The following TLE1 variants were observed in gnomAD, a reference collection of about 807,000 sequenced individuals.
TLE1 encodes TLE family member 1, transcriptional corepressor.
TLE1 carries 21 observed loss-of-function variants against 89.8 expected under a neutral mutation model. The observed-to-expected ratio is 0.23, with a 90% confidence interval of 0.17 to 0.34. TLE1 has a LOEUF of 0.34. Ranked by LOEUF, TLE1 falls within the 10% of genes least tolerant of loss-of-function variation. TLE1 has a pLI of 1.00. For missense variants in TLE1, 795 were observed against 1,031.2 expected (o/e 0.77, Z 3.14); for synonymous variants, 447 against 407.6 (o/e 1.10, Z -1.16).
intron 14 of TLE1, among the ~76,000 whole-genome samples, chr9:81,597,000 A>T (rs1200272052): frequency 6.6e-6 from 1 of 152,204 alleles, no homozygotes; most frequent in East Asian, 1.9e-4. Flanking sequence ...AACACATTAG[A>T]TTAGGTCCAC....
chr9:81,603,894 C>T (rs550576301), intron 14 of TLE1, among the ~76,000 whole-genome samples: 1 of 152,152 alleles, frequency 6.6e-6, no homozygotes, highest in African/African-American at 2.4e-5. Context: ...CCCAGCGACT[C>T]GGGAGGCTGA....
chr9:81,675,759 G>A (rs186833604), intron 4 of TLE1, among the ~76,000 whole-genome samples: 1 of 142,098 alleles, frequency 7.0e-6, no homozygotes, highest in Admixed American at 7.2e-5. Context: ...GGAGTGCAGT[G>A]GCATGATCTC....
chr9:81,641,940 T>G (rs1194122145), intron 6 of TLE1, among the ~76,000 whole-genome samples: 1 of 152,130 alleles, frequency 6.6e-6, no homozygotes, highest in Non-Finnish European at 1.5e-5. Context: ...GAGAATTGCT[T>G]GAACCTGGGA....
intron 4 of TLE1, among the ~76,000 whole-genome samples, chr9:81,676,787 T>C (rs1832953903): frequency 1.3e-5 from 2 of 152,132 alleles, no homozygotes; most frequent in African/African-American, 2.4e-5. Context: ...GTTCCCAGGG[T>C]GCGGCCAGGT....
intron 14 of TLE1, chr9:81,599,894 T>C (rs574777959): frequency 1.1e-4 from 55 of 515,444 alleles, no homozygotes; most frequent in African/African-American, 8.3e-4. Context: ...GCATACACTC[T>C]ATTTTCATTT....
intron 9 of TLE1, among the ~76,000 whole-genome samples, chr9:81,617,685 T>TA (rs1247212899): frequency 4.6e-5 from 7 of 151,694 alleles, no homozygotes; most frequent in Admixed American, 4.6e-4. Context: ...CTAGCCGACA[T>TA]AGCAAGACTC....
chr9:81,615,955 A>G, intron 11 of TLE1, 27 bp downstream of exon 11: 3 of 1,612,030 alleles, frequency 1.9e-6, no homozygotes, highest in Non-Finnish European at 2.5e-6. Flanking sequence ...ACTGCCAAAC[A>G]GGCAAGTGTC....
chr9:81,612,839 C>A (rs1587962858), intron 12 of TLE1, among the ~76,000 whole-genome samples: 1 of 152,212 alleles, frequency 6.6e-6, no homozygotes, highest in East Asian at 1.9e-4. Flanking sequence ...GGGCAGATCA[C>A]CTGAGGTCAG....
intron 8 of TLE1, among the ~76,000 whole-genome samples, chr9:81,629,007 C>T (rs1826244239): frequency 6.6e-6 from 1 of 152,156 alleles, no homozygotes; most frequent in Non-Finnish European, 1.5e-5. Flanking sequence ...GAGTCTCCTC[C>T]CTTTTCCAAA....
At chr9:81,658,071 C>T (rs1341160799) in intron 4 of TLE1, among the ~76,000 whole-genome samples, 4 of 151,336 alleles carry the variant, frequency 2.6e-5, no homozygotes, top group Non-Finnish European at 5.9e-5. Flanking sequence ...CCACCATGCC[C>T]GGCTAATTTT....
At chr9:81,601,267 T>G (rs1218750258) in intron 14 of TLE1, among the ~76,000 whole-genome samples, 1 of 152,236 alleles carries the variant, frequency 6.6e-6, no homozygotes, top group African/African-American at 2.4e-5. Flanking sequence ...TTTTCTTGGC[T>G]AAAAGCCTGG....
At chr9:81,667,538 C>T (rs1831636633) in intron 4 of TLE1, among the ~76,000 whole-genome samples, 1 of 152,138 alleles carries the variant, frequency 6.6e-6, no homozygotes, top group Non-Finnish European at 1.5e-5. Flanking sequence ...TGAGTAACAG[C>T]TGCCACTCTC....
chr9:81,613,664 AT>A, intron 11 of TLE1, 143 bp from the exon 12 acceptor site: 1 of 946,682 alleles, frequency 1.1e-6, no homozygotes, highest in African/African-American at 1.6e-5. Flanking sequence ...TGTTGACAGC[AT>A]TAACTTGTGA....
At chr9:81,677,168 G>A (rs888675601) in intron 4 of TLE1, among the ~76,000 whole-genome samples, 5 of 152,076 alleles carry the variant, frequency 3.3e-5, no homozygotes, top group South Asian at 2.1e-4. Flanking sequence ...AACCCCAGAG[G>A]CAGAGGTTGC....
At chr9:81,642,709 A>AAAGAAAG (rs1554686035) in intron 6 of TLE1, among the ~76,000 whole-genome samples, 1 of 150,366 alleles carries the variant, frequency 6.7e-6, no homozygotes, top group African/African-American at 2.5e-5. Context: ...ATGAAAGAAA[A>AAAGAAAG]GAAAGAAAGG....
Position 81,660,476 on chromosome 9 carries a change from C to T in TLE1, c.235-6440G>A, listed in dbSNP as rs552229263. On this transcript the variant is annotated intron_variant, in intron 4 of 19. Coordinates refer to ENST00000376499, the MANE Select transcript of TLE1 (RefSeq NM_005077.5). Reference sequence around the variant, plus strand: ...TCGCCCAAGCTGGAGAGCAGTGGCGCGATCTCGGCTCACTGCAAGCTATGC... The same window carrying T: ...TCGCCCAAGCTGGAGAGCAGTGGCGTGATCTCGGCTCACTGCAAGCTATGC... Among the ~76,000 whole-genome samples, 211 of 151,942 alleles carry T rather than the reference C, an allele frequency of 1.4e-3. 2 individuals carry two copies. Among genetic ancestry groups the T allele is most frequent in the African/African-American group, 4.8e-3 (201 of 41,456 alleles).
chr9:81,674,198 G>GT (rs1832603558), intron 4 of TLE1, among the ~76,000 whole-genome samples: 1 of 152,172 alleles, frequency 6.6e-6, no homozygotes, highest in Non-Finnish European at 1.5e-5. Context: ...TAAACAAGCA[G>GT]TATCAGCAAG....
At chr9:81,646,029 C>T (rs1305174317) in intron 6 of TLE1, among the ~76,000 whole-genome samples, 1 of 152,108 alleles carries the variant, frequency 6.6e-6, no homozygotes, top group Non-Finnish European at 1.5e-5. Flanking sequence ...TCACAGGAAA[C>T]TATGTGGGTG....
intron 11 of TLE1, among the ~76,000 whole-genome samples, chr9:81,614,569 C>T (rs1824171448): frequency 6.6e-6 from 1 of 152,188 alleles, no homozygotes; most frequent in Non-Finnish European, 1.5e-5. Flanking sequence ...GACCTTGGAT[C>T]ATGAGCCACG....
Sources: gnomAD v4.1 joint callset for allele counts (sites outside exome capture counted in the v4.1 genomes callset) on GRCh38, gnomAD v4.1.1 for gene constraint, MANE v1.5 for transcripts, NCBI Gene and HGNC (gene_info 2026-07-23, HGNC 2026-07-21) for gene names.